Variants in USH2A observed in about 807,000 individuals in gnomAD.
USH2A encodes the protein Usher syndrome 2A (autosomal recessive, mild).
USH2A carries 443 observed loss-of-function variants against 538.9 expected under a neutral mutation model. The ratio of observed to expected loss-of-function variants is 0.82; its 90% CI spans 0.76 to 0.89. The LOEUF is 0.89. Among genes scored for constraint, USH2A ranks in the 40% least tolerant of loss-of-function variants. The pLI is 0.00. For synonymous variants in USH2A, 2,413 were observed against 2,273.5 expected (o/e 1.06, Z -1.75); for missense variants, 6,633 against 6,324.8 (o/e 1.05, Z -1.65).
intron 38 of USH2A, among the ~76,000 whole-genome samples, chr1:215,907,630 T>C (rs1047132470): frequency 3.9e-5 from 6 of 152,084 alleles, no homozygotes; most frequent in African/African-American, 1.4e-4. Flanking sequence ...CTGCTTAATA[T>C]TGGAGTTCAT....
rs1491303511 is a variant in USH2A at position 215,836,498 on chromosome 1, A to ATAT, written c.9371+1492_9371+1493insATA. Among the ~76,000 whole-genome samples the ATAT allele has an allele frequency of 3.7e-3, 65 of 17,778 alleles. 3 individuals carry two copies. The highest frequency in any genetic ancestry group is 0.028 in the Middle Eastern group (1 of 36). The allele number at this position is 17,778 out of a possible 152,430, so 11.7% of individuals were successfully genotyped here. A position where few individuals can be genotyped will look rare whatever the true frequency, so the allele number is the denominator to read the frequency against. On this transcript the variant is annotated intron_variant, in intron 47 of 71. Coordinates refer to ENST00000307340, the MANE Select transcript of USH2A (RefSeq NM_206933.4). Reference sequence around the variant, plus strand: ...TATATATAATATATATTATATATATAATATATATTATATATATATAATATA... The same window carrying ATAT: ...TATATATAATATATATTATATATATATATATATATATTATATATATATAATATA...
chr1:215,666,422 C>T (rs1480241177), intron 64 of USH2A, among the ~76,000 whole-genome samples: 1 of 152,160 alleles, frequency 6.6e-6, no homozygotes, highest in Non-Finnish European at 1.5e-5. Context: ...CGTCAATAGG[C>T]TATTATCAAT....
chr1:216,004,106 G>A (rs1222226132), intron 32 of USH2A, among the ~76,000 whole-genome samples: 2 of 152,198 alleles, frequency 1.3e-5, no homozygotes, highest in South Asian at 2.1e-4. Flanking sequence ...AGGCATGGAG[G>A]GGAAGATAAG....
At chr1:215,711,688 C>A (rs945361684) in intron 61 of USH2A, among the ~76,000 whole-genome samples, 1 of 152,054 alleles carries the variant, frequency 6.6e-6, no homozygotes, top group African/African-American at 2.4e-5. Context: ...TTTGTCCTGC[C>A]TGTTTTGTAA....
Position 215,758,698 on chromosome 1 carries a change from A to G in USH2A, c.11286T>C (p.Asp3762=). The G allele has an allele frequency of 6.2e-7, 1 of 1,614,018 alleles. No homozygotes were observed. Among genetic ancestry groups the G allele is most frequent in the Non-Finnish European group, 8.5e-7 (1 of 1,179,970 alleles). The part of the protein sequence containing the change: ...KTGGGSSASD[D]YIVQTPMSTP... ...TTGACATAGGTGTTTGAACAATGTA[A>G]TCATCACTAGCACTGCTGCCACCTC... Residue 3762 remains aspartate, a synonymous_variant, in exon 58 of 72, where the codon GAT becomes GAC. Coordinates refer to ENST00000307340, the MANE Select transcript of USH2A (RefSeq NM_206933.4).
chr1:216,296,779 A>C (rs17651066), intron 9 of USH2A, among the ~76,000 whole-genome samples: 8,278 of 152,126 alleles, frequency 0.054, 351 homozygotes, highest in Middle Eastern at 0.18. Flanking sequence ...GTCTTTAGCC[A>C]AAAAAATTTA....
chr1:215,966,638 T>A (rs1422745073), intron 36 of USH2A, among the ~76,000 whole-genome samples: 1 of 152,208 alleles, frequency 6.6e-6, no homozygotes, highest in African/African-American at 2.4e-5. Flanking sequence ...TTTAGAACTA[T>A]AACACTTGCT....
chr1:215,711,022 G>A (rs1329049578), intron 61 of USH2A, among the ~76,000 whole-genome samples: 1 of 151,582 alleles, frequency 6.6e-6, no homozygotes, highest in Non-Finnish European at 1.5e-5. Context: ...TCAAGCCCTC[G>A]CTTTCTTCCA....
At chr1:216,395,867 T>C (rs903553420) in intron 3 of USH2A, among the ~76,000 whole-genome samples, 2 of 152,182 alleles carry the variant, frequency 1.3e-5, no homozygotes, top group Non-Finnish European at 2.9e-5. Context: ...AGTGCCAAGA[T>C]TGAGAAATAT....
chr1:216,378,182 T>G (rs1229982884), intron 3 of USH2A, among the ~76,000 whole-genome samples: 1 of 152,114 alleles, frequency 6.6e-6, no homozygotes, highest in Non-Finnish European at 1.5e-5. Context: ...AAATCAATAA[T>G]GAAGGTTGAT....
chr1:215,877,911 A>T, intron 42 of USH2A, 31 bp from the exon 43 acceptor site: 1 of 1,613,190 alleles, frequency 6.2e-7, no homozygotes, highest in Non-Finnish European at 8.5e-7. Flanking sequence ...GAACATCAGG[A>T]TTATCTCAAC....
chr1:215,879,556 G>T (rs895318389), intron 41 of USH2A, among the ~76,000 whole-genome samples: 1 of 152,142 alleles, frequency 6.6e-6, no homozygotes, highest in Non-Finnish European at 1.5e-5. Flanking sequence ...CTTGGAGGAA[G>T]GGAAAGAGAA....
At chr1:216,030,261 G>T (rs1172301056) in intron 32 of USH2A, among the ~76,000 whole-genome samples, 2 of 133,746 alleles carry the variant, frequency 1.5e-5, no homozygotes, top group African/African-American at 2.7e-5. Context: ...TAATATATAT[G>T]ATATATAGAT....
At chr1:215,663,297 G>A (rs1239350242) in intron 64 of USH2A, among the ~76,000 whole-genome samples, 4 of 152,146 alleles carry the variant, frequency 2.6e-5, no homozygotes, top group Non-Finnish European at 5.9e-5. Context: ...TAAGTAGCAG[G>A]CATCCTACTA....
chr1:215,746,122 G>A (rs1486078334), intron 58 of USH2A, among the ~76,000 whole-genome samples: 1 of 152,102 alleles, frequency 6.6e-6, no homozygotes, highest in East Asian at 1.9e-4. Flanking sequence ...ATTCCCAGCT[G>A]GAGCCACTGT....
intron 30 of USH2A, among the ~76,000 whole-genome samples, chr1:216,067,822 T>C (rs1047283868): frequency 1.3e-5 from 2 of 151,998 alleles, no homozygotes; most frequent in Admixed American, 1.3e-4. Flanking sequence ...ATGCAGGCAT[T>C]TGGATGTCTA....
At position 215,985,960 on chromosome 1, in the gene USH2A, C is replaced by T. The variant is rs544374853; in HGVS notation, c.6805+7060G>A. On this transcript the variant is annotated intron_variant, in intron 35 of 71. Transcript: ENST00000307340. ...GTTTCTATTATTTTTGACATGATTG[C>T]CACCATTTTGACATATGTTCACATA... 8.5e-5 allele frequency among the ~76,000 whole-genome samples: 13 copies of T among 152,234 alleles called. No homozygotes were observed. The South Asian group carries it at 2.5e-3, about 29-fold the overall frequency.
rs562692412 is a variant in USH2A at position 216,227,353 on chromosome 1, T to C, written c.2993+4600A>G. 2.6e-5 allele frequency among the ~76,000 whole-genome samples: 4 copies of C among 152,316 alleles called. No individual in the cohort carries two copies. In the South Asian group the frequency reaches 8.3e-4, roughly 32 times the overall value. ...GTTTTCTTGAATCATAGTGCTCTTT[T>C]TAAATGTTAGTAAGTGAATGAAGAG... On this transcript the variant is annotated intron_variant, in intron 14 of 71. Transcript: ENST00000307340.
At chr1:215,633,822 GCT>G (rs1656388346) in intron 70 of USH2A, among the ~76,000 whole-genome samples, 2 of 152,112 alleles carry the variant, frequency 1.3e-5, no homozygotes, top group South Asian at 4.1e-4. Context: ...TTCAATGAGT[GCT>G]CTGGGCAATG....
Sources: gnomAD v4.1 joint callset for allele counts (sites outside exome capture counted in the v4.1 genomes callset) on GRCh38, gnomAD v4.1.1 for gene constraint, MANE v1.5 for transcripts, NCBI Gene and HGNC (gene_info 2026-07-23, HGNC 2026-07-21) for gene names.